PDE11A: variants seen among roughly 807,000 people sequenced by gnomAD.
The protein encoded by PDE11A is phosphodiesterase 11A.
A neutral mutation model predicts 100.5 loss-of-function variants in PDE11A; 100 were observed. That is an observed-to-expected ratio of 1.00 (90% CI 0.85 to 1.18). The LOEUF is 1.18. Among genes scored for constraint, PDE11A ranks in the 50% most tolerant of loss-of-function variants. The pLI, the probability that PDE11A is intolerant of heterozygous loss-of-function variation, is 0.00. For missense variants in PDE11A, 1,141 were observed against 1,152.6 expected (o/e 0.99, Z 0.15); for synonymous variants, 381 against 420.8 (o/e 0.91, Z 1.16).
intron 6 of PDE11A, among the ~76,000 whole-genome samples, chr2:177,828,415 A>C (rs550110677): frequency 1.3e-5 from 2 of 152,348 alleles, no homozygotes; most frequent in Non-Finnish European, 2.9e-5. Context: ...AGCAGTGAAA[A>C]ACAACAACAA....
chr2:177,749,785 T>C (rs555168689), intron 10 of PDE11A, among the ~76,000 whole-genome samples: 1 of 152,178 alleles, frequency 6.6e-6, no homozygotes, highest in African/African-American at 2.4e-5. Flanking sequence ...TGGCATGGAG[T>C]ATGGTCACTA....
Position 178,048,367 on chromosome 2 carries a change from C to G in PDE11A, c.912+23159G>C, listed in dbSNP as rs141586647. ...GGGGCGCGGCATGAAAGAAAGAGTTCTCTCAATGTTCCGTGTATAACAATC... is the reference window on the plus strand; with the variant it reads ...GGGGCGCGGCATGAAAGAAAGAGTTGTCTCAATGTTCCGTGTATAACAATC... On this transcript the variant is annotated intron_variant, in intron 1 of 19. Transcript: ENST00000286063. Among the ~76,000 whole-genome samples the G allele has an allele frequency of 2.8e-3, 428 of 152,236 alleles. 3 individuals carry two copies. Among genetic ancestry groups the G allele is most frequent in the African/African-American group, 9.9e-3 (411 of 41,540 alleles).
chr2:178,089,428 C>T (rs116443118), intron 2 of PDE11A, among the ~76,000 whole-genome samples: 1,826 of 152,176 alleles, frequency 0.012, 32 homozygotes, highest in East Asian at 0.071. Flanking sequence ...GCTCAGTGGA[C>T]GGAAAAACAC....
Position 177,745,448 on chromosome 2 carries a change from C to T in PDE11A, c.1789-17276G>A, listed in dbSNP as rs2081934774. 2.0e-5 allele frequency among the ~76,000 whole-genome samples: 3 copies of T among 152,314 alleles called. No individual in the cohort carries two copies. The Middle Eastern group carries it at 0.01, about 518-fold the overall frequency. On this transcript the variant is annotated intron_variant, in intron 10 of 19. Transcript: ENST00000286063. ...GAAAGCATCAACTCAGATTTCCAGG[C>T]CCCACGTTGAGAGTCTGATTCAGTA... is the stretch of plus-strand genomic sequence containing the variant.
intron 1 of PDE11A, among the ~76,000 whole-genome samples, chr2:178,033,762 A>C (rs1174565266): frequency 6.6e-6 from 1 of 152,206 alleles, no homozygotes; most frequent in Non-Finnish European, 1.5e-5. Context: ...TCTTAAACAA[A>C]AAAAAGTTTT....
At chr2:177,756,105 T>G (rs2082087188) in intron 10 of PDE11A, among the ~76,000 whole-genome samples, 1 of 152,168 alleles carries the variant, frequency 6.6e-6, no homozygotes, top group African/African-American at 2.4e-5. Context: ...AACCCTGCCT[T>G]CCCACTAATG....
At chr2:177,758,905 G>T (rs977063199) in intron 10 of PDE11A, among the ~76,000 whole-genome samples, 2 of 152,134 alleles carry the variant, frequency 1.3e-5, no homozygotes, top group African/African-American at 4.8e-5. Context: ...CAGGTCATGC[G>T]TACACACAAA....
chr2:178,026,024 G>T (rs996036050), intron 1 of PDE11A, among the ~76,000 whole-genome samples: 1 of 152,314 alleles, frequency 6.6e-6, no homozygotes, highest in Middle Eastern at 3.4e-3. Flanking sequence ...TCAAGACAGT[G>T]ATGCATGAAA....
At chr2:178,083,192 C>T (rs1338939734) in intron 2 of PDE11A, among the ~76,000 whole-genome samples, 1 of 151,650 alleles carries the variant, frequency 6.6e-6, no homozygotes, top group African/African-American at 2.4e-5. Context: ...CTCTGCCTCC[C>T]GGGTTCAAGC....
chr2:177,954,137 G>A (rs1202802902), intron 2 of PDE11A, among the ~76,000 whole-genome samples: 1 of 151,536 alleles, frequency 6.6e-6, no homozygotes, highest in Non-Finnish European at 1.5e-5. Context: ...ATGTGTTCTG[G>A]TCTATAATGC....
At position 177,991,924 on chromosome 2, in the gene PDE11A, C is replaced by T. The variant is rs1358095939; in HGVS notation, c.1071+22378G>A. 5.3e-5 allele frequency among the ~76,000 whole-genome samples: 8 copies of T among 151,180 alleles called. No individual in the cohort carries two copies. In the East Asian group the frequency reaches 9.7e-4, roughly 18 times the overall value. On this transcript the variant is annotated intron_variant, in intron 2 of 19. Transcript: ENST00000286063. ...CAATCTCCTATTCTCAGCTCCAGTC[C>T]GACAAGAGACCCTAATTAAATTTCT... is the stretch of plus-strand genomic sequence containing the variant.
intron 14 of PDE11A, among the ~76,000 whole-genome samples, chr2:177,697,944 AG>A (rs1324977950): frequency 6.6e-6 from 1 of 152,204 alleles, no homozygotes; most frequent in Non-Finnish European, 1.5e-5. Flanking sequence ...GGGGAACTTT[AG>A]CAAGGTCTAG....
intron 10 of PDE11A, among the ~76,000 whole-genome samples, chr2:177,757,104 T>C (rs543272201): frequency 6.6e-6 from 1 of 152,360 alleles, no homozygotes; most frequent in South Asian, 2.1e-4. Flanking sequence ...CGTTTCTCTT[T>C]GTACCTCAGT....
intron 9 of PDE11A, among the ~76,000 whole-genome samples, chr2:177,772,249 T>C (rs1027968297): frequency 6.6e-6 from 1 of 152,122 alleles, no homozygotes; most frequent in Non-Finnish European, 1.5e-5. Context: ...AAAATAAAGA[T>C]ATATTCTACT....
chr2:177,840,164 C>T (rs1574200002), intron 6 of PDE11A, 87 bp downstream of exon 6: 1 of 1,346,006 alleles, frequency 7.4e-7, no homozygotes. Flanking sequence ...AAAAGAATTG[C>T]TGGTAAGTAT....
intron 2 of PDE11A, among the ~76,000 whole-genome samples, chr2:177,941,217 G>A (rs555661927): frequency 3.3e-5 from 5 of 152,326 alleles, no homozygotes; most frequent in African/African-American, 1.2e-4. Context: ...CTAGGAAACT[G>A]TGGCTTGAAG....
chr2:178,044,427 T>TA (rs2086722898), intron 1 of PDE11A, among the ~76,000 whole-genome samples: 5 of 147,868 alleles, frequency 3.4e-5, no homozygotes, highest in African/African-American at 1.2e-4. Flanking sequence ...TATATATATG[T>TA]TTATATACAT....
chr2:177,637,570 T>A (rs1417405978), intron 19 of PDE11A, among the ~76,000 whole-genome samples: 1 of 151,820 alleles, frequency 6.6e-6, no homozygotes, highest in Non-Finnish European at 1.5e-5. Context: ...AAGCCAAGTT[T>A]TAAAAGTGCT....
chr2:177,795,098 T>C (rs2082686772), intron 9 of PDE11A, among the ~76,000 whole-genome samples: 1 of 152,204 alleles, frequency 6.6e-6, no homozygotes, highest in Admixed American at 6.5e-5. Context: ...GTCTGGTTTT[T>C]AAAATGGCAT....
Sources: allele counts gnomAD v4.1 joint callset (sites outside exome capture counted in the v4.1 genomes callset), GRCh38; gene constraint gnomAD v4.1.1; transcripts MANE v1.5; gene names NCBI Gene and HGNC (gene_info 2026-07-23, HGNC 2026-07-21).